The following ZBTB46 variants were observed in gnomAD, a reference collection of about 807,000 sequenced individuals.
The protein encoded by ZBTB46 is zinc finger and BTB domain-containing protein 46.
A neutral mutation model predicts 44.1 loss-of-function variants in ZBTB46; 8 were observed. The ratio of observed to expected loss-of-function variants is 0.18; its 90% CI spans 0.11 to 0.33. The LOEUF (loss-of-function observed/expected upper bound fraction) is 0.33, where lower values mean the gene tolerates loss of function less well. Among genes scored for constraint, ZBTB46 ranks in the 10% least tolerant of loss-of-function variants. The probability of loss-of-function intolerance (pLI) is 1.00; values close to 1 mark genes in which losing one functional copy is unlikely to be tolerated. For synonymous variants in ZBTB46, 409 were observed against 382.3 expected, an observed-to-expected ratio of 1.07 and a Z score of -0.81; for missense variants, 651 against 847.7, an observed-to-expected ratio of 0.77 and a Z score of 2.88.
intron 3 of ZBTB46, among the ~76,000 whole-genome samples, chr20:63,774,935 C>T (rs1340886301): frequency 6.6e-6 from 1 of 152,078 alleles, no homozygotes; most frequent in Non-Finnish European, 1.5e-5. Context: ...GATCTCCTGA[C>T]CTCGTGGTCT....
rs1191269386 is a variant in ZBTB46, at chr20:63,746,904, G to A, written c.*26C>T. 2 of 1,499,774 alleles carry A rather than the reference G, an allele frequency of 1.3e-6. No homozygotes were observed. Among genetic ancestry groups the A allele is most frequent in the East Asian group, 2.4e-5 (1 of 41,888 alleles). 92.9% of individuals were successfully genotyped at this position (1,499,774 alleles called of 1,614,324 possible). ...ACACACGGGTGGACGGAGCGAGGCA[G>A]CCACCGACCCTGCCGGCGGGCGGGC... On this transcript the variant is annotated 3_prime_UTR_variant, in exon 5 of 5. Transcript: ENST00000245663.
intron 2 of ZBTB46, among the ~76,000 whole-genome samples, chr20:63,778,699 T>G (rs978289492): frequency 6.6e-6 from 1 of 152,200 alleles, no homozygotes; most frequent in Non-Finnish European, 1.5e-5. Flanking sequence ...CTCTAAGGGA[T>G]ATGTTTCCAA....
chr20:63,826,225 T>C (rs753001923), intron 1 of ZBTB46, among the ~76,000 whole-genome samples: 4 of 152,272 alleles, frequency 2.6e-5, no homozygotes, highest in Admixed American at 6.5e-5. Flanking sequence ...AAAGTATCTG[T>C]GTGTCCCATG....
In ZBTB46 at chr20:63,751,810, CCCCATGAAGCCCCGCCCCCCGGTGGGTCT is replaced by C. The variant is rs1568828406; in HGVS notation, c.1398+847_1398+875del. ...ATGAAGCCCCGCCCCCGGTGGGTCT[CCCCATGAAGCCCCGCCCCCCGGTGGGTCT>C]CCCATGAAGCCCCGCCCCCCGGTGG... is the stretch of plus-strand genomic sequence containing the variant. On this transcript the variant is annotated intron_variant, in intron 4 of 4. Coordinates refer to ENST00000245663, the MANE Select transcript of ZBTB46 (RefSeq NM_001369741.1). Among the ~76,000 whole-genome samples, 58 of 143,180 alleles carry C rather than the reference CCCCATGAAGCCCCGCCCCCCGGTGGGTCT, an allele frequency of 4.1e-4. 2 individuals carry two copies. Among genetic ancestry groups the C allele is most frequent in the African/African-American group, 1.3e-3 (49 of 38,202 alleles). 93.9% of individuals were successfully genotyped at this position (143,180 alleles called of 152,430 possible).
At chr20:63,775,642 C>T in intron 3 of ZBTB46, 36 bp downstream of exon 3, 8 of 1,526,188 alleles carry the variant, frequency 5.2e-6, no homozygotes, top group Non-Finnish European at 7.0e-6. Flanking sequence ...TTCAAAACCA[C>T]ACCAAAGCCA....
intron 1 of ZBTB46, among the ~76,000 whole-genome samples, chr20:63,818,407 G>C (rs569571516): frequency 2.0e-5 from 3 of 152,364 alleles, no homozygotes; most frequent in African/African-American, 7.2e-5. Flanking sequence ...GAGCAGCGCA[G>C]TGCCGCCCCG....
chr20:63,747,342 T>TGGGA (rs2092104077), intron 4 of ZBTB46, 41 bp from the exon 5 acceptor site: 1 of 391,608 alleles, frequency 2.6e-6, no homozygotes, highest in African/African-American at 8.2e-5. Flanking sequence ...CCTGGTGGGT[T>TGGGA]GGGGGGCGGG....
chr20:63,745,816 C>T lies in ZBTB46; in HGVS notation c.*1114G>A, dbSNP rs1298162623. Reference sequence around the variant, plus strand: ...CACACACCGTGGGACCTTTGCTTTTCACTCAGGAAAAGAAAGAACATGTGA... The same window carrying T: ...CACACACCGTGGGACCTTTGCTTTTTACTCAGGAAAAGAAAGAACATGTGA... On this transcript the variant is annotated 3_prime_UTR_variant, in exon 5 of 5. Transcript: ENST00000245663. The T allele has an allele frequency of 6.6e-6, 1 of 152,386 alleles. No individual in the cohort carries two copies. The highest frequency in any genetic ancestry group is 1.9e-4 in the East Asian group (1 of 5,326). 9.4% of individuals were successfully genotyped at this position (152,386 alleles called of 1,614,324 possible).
At chr20:63,771,583 C>T (rs1242668863) in intron 3 of ZBTB46, among the ~76,000 whole-genome samples, 3 of 151,970 alleles carry the variant, frequency 2.0e-5, no homozygotes. Flanking sequence ...CTGAGGCGCT[C>T]CTCCACCGCG....
chr20:63,745,067 G>A lies in ZBTB46; in HGVS notation c.*1863C>T, dbSNP rs980351507. ...GGCCGGGGTGGGGCTGGCCTGGGGTGAGGGCTGGAGGGCTCCGCTGCAGCT... is the reference window on the plus strand; with the variant it reads ...GGCCGGGGTGGGGCTGGCCTGGGGTAAGGGCTGGAGGGCTCCGCTGCAGCT... On this transcript the variant is annotated 3_prime_UTR_variant, in exon 5 of 5. Transcript: ENST00000245663. 1.0e-4 allele frequency: 16 copies of A among 152,410 alleles called. No homozygotes were observed. The highest frequency in any genetic ancestry group is 3.6e-4 in the African/African-American group (15 of 41,470). 9.4% of individuals were successfully genotyped at this position (152,410 alleles called of 1,614,324 possible). A position where few individuals can be genotyped will look rare whatever the true frequency, so the allele number is the denominator to read the frequency against.
chr20:63,797,011 G>GT (rs1245535409), intron 1 of ZBTB46, among the ~76,000 whole-genome samples: 5 of 152,076 alleles, frequency 3.3e-5, no homozygotes, highest in South Asian at 2.1e-4. Flanking sequence ...TTTTGTTTTT[G>GT]TTTTTTTATA....
At chr20:63,811,635 C>A (rs570732747) in intron 1 of ZBTB46, among the ~76,000 whole-genome samples, 3 of 152,090 alleles carry the variant, frequency 2.0e-5, no homozygotes, top group African/African-American at 7.2e-5. Flanking sequence ...GAGATCTGCA[C>A]GTGTGAGGGT....
intron 2 of ZBTB46, among the ~76,000 whole-genome samples, chr20:63,782,683 C>T (rs1420926883): frequency 1.3e-5 from 2 of 152,176 alleles, no homozygotes; most frequent in Non-Finnish European, 1.5e-5. Flanking sequence ...GCCCCATGCC[C>T]CACGACCCAC....
intron 3 of ZBTB46, among the ~76,000 whole-genome samples, chr20:63,757,424 C>T (rs2092230596): frequency 6.6e-6 from 1 of 152,100 alleles, no homozygotes; most frequent in South Asian, 2.1e-4. Flanking sequence ...CGCCTGGCCA[C>T]GATTCACTTT....
At chr20:63,784,852 G>C (rs900761550) in intron 2 of ZBTB46, among the ~76,000 whole-genome samples, 2 of 152,194 alleles carry the variant, frequency 1.3e-5, no homozygotes, top group Non-Finnish European at 2.9e-5. Flanking sequence ...CAGGCCTCAG[G>C]GTCACCAGGG....
chr20:63,761,293 T>C (rs182163552), intron 3 of ZBTB46, among the ~76,000 whole-genome samples: 2 of 150,914 alleles, frequency 1.3e-5, no homozygotes, highest in East Asian at 4.1e-4. Context: ...GCCACCACAC[T>C]CACCCTGATA....
chr20:63,770,331 T>C (rs2092357472), intron 3 of ZBTB46, among the ~76,000 whole-genome samples: 1 of 151,996 alleles, frequency 6.6e-6, no homozygotes, highest in African/African-American at 2.4e-5. Context: ...TGGTTTCTAC[T>C]GGGAGAACAA....
chr20:63,788,869 CTT>C (rs1230798200), intron 2 of ZBTB46, among the ~76,000 whole-genome samples: 1 of 144,176 alleles, frequency 6.9e-6, no homozygotes. Context: ...GAGTTTCGCT[CTT>C]GTTGCCCAGG....
intron 3 of ZBTB46, among the ~76,000 whole-genome samples, chr20:63,761,150 C>A (rs990785300): frequency 1.3e-5 from 2 of 149,848 alleles, no homozygotes; most frequent in Non-Finnish European, 3.0e-5. Context: ...AGGCACCCAC[C>A]ACCATACCCG....
Sources: gnomAD v4.1 joint callset for allele counts (sites outside exome capture counted in the v4.1 genomes callset) on GRCh38, gnomAD v4.1.1 for gene constraint, MANE v1.5 for transcripts, NCBI Gene and HGNC (gene_info 2026-07-23, HGNC 2026-07-21) for gene names.